The following ZFAT variants were observed in gnomAD, a reference collection of about 807,000 sequenced individuals.
ZFAT encodes zinc finger protein ZFAT.
A neutral mutation model predicts 117.7 loss-of-function variants in ZFAT; 64 were observed. The ratio of observed to expected loss-of-function variants is 0.54; its 90% CI spans 0.44 to 0.67. The LOEUF is 0.67. ZFAT is among the 30% of genes least tolerant of loss of function. The pLI is 0.00. For synonymous variants in ZFAT, 679 were observed against 615.0 expected, an observed-to-expected ratio of 1.10 and a Z score of -1.54; for missense variants, 1,433 against 1,584.5, an observed-to-expected ratio of 0.90 and a Z score of 1.62.
chr8:134,663,677 A>G (rs9969505), intron 1 of ZFAT, among the ~76,000 whole-genome samples: 52,816 of 152,054 alleles, frequency 0.35, 9,603 homozygotes, highest in South Asian at 0.43. Context: ...GGTGGAGGAT[A>G]CAGTGAGCTG....
intron 1 of ZFAT, among the ~76,000 whole-genome samples, chr8:134,685,798 A>G (rs1833292569): frequency 6.6e-6 from 1 of 152,226 alleles, no homozygotes; most frequent in South Asian, 2.1e-4. Flanking sequence ...ACATCTGACT[A>G]GGCCATAATT....
chr8:134,657,643 T>G lies in ZFAT; in HGVS notation c.114A>C (p.Glu38Asp). The change falls in exon 2 of 16, where the codon GAA becomes GAC. Residue 38 changes from glutamate (E) to aspartate (D), a missense_variant. Physicochemically the swap from Glu to Asp is conservative, Grantham distance 45. Coordinates refer to ENST00000377838, the MANE Select transcript of ZFAT (RefSeq NM_020863.4). ...LSHVSEKHMEEGVNVDEIIIP... is the reference protein window; with the variant it reads ...LSHVSEKHMEDGVNVDEIIIP... ...TAATAATCTCATCAACATTAACCCC[T>G]TCTTCCATGTGCTTCTCTGAAACGT... The G allele has an allele frequency of 1.2e-6, 2 of 1,614,118 alleles. No homozygotes were observed. Among genetic ancestry groups the G allele is most frequent in the Non-Finnish European group, 1.7e-6 (2 of 1,180,028 alleles).
chr8:134,715,220 A>G (rs1014217443), upstream of ZFAT, among the ~76,000 whole-genome samples: 1 of 152,226 alleles, frequency 6.6e-6, no homozygotes, highest in Non-Finnish European at 1.5e-5. Context: ...ACAATTTAAA[A>G]TTTGTCTCAA....
At chr8:134,687,579 C>T (rs970270603) in intron 1 of ZFAT, among the ~76,000 whole-genome samples, 1 of 152,142 alleles carries the variant, frequency 6.6e-6, no homozygotes, top group Admixed American at 6.5e-5. Context: ...CCCCCCACCC[C>T]GAGAGCAGAT....
the ZFAT span, among the ~76,000 whole-genome samples, chr8:134,816,084 G>A: frequency 2.6e-5 from 4 of 152,040 alleles, no homozygotes; most frequent in African/African-American, 9.7e-5. Flanking sequence ...ATAGTAAAGG[G>A]AGCTGCATCT....
intron 1 of ZFAT, among the ~76,000 whole-genome samples, chr8:134,710,770 G>A (rs1429890747): frequency 6.6e-6 from 1 of 152,176 alleles, no homozygotes; most frequent in African/African-American, 2.4e-5. Context: ...GAAACAAAGT[G>A]TACAATGAAC....
intron 5 of ZFAT, 139 bp downstream of exon 5, chr8:134,608,590 G>A: frequency 9.5e-7 from 1 of 1,050,292 alleles, no homozygotes; most frequent in Non-Finnish European, 1.4e-6. Context: ...TTCTACTGCT[G>A]AATCAAGGAG....
At chr8:134,749,263 C>A in the ZFAT span, among the ~76,000 whole-genome samples, 1 of 152,144 alleles carries the variant, frequency 6.6e-6, no homozygotes, top group Admixed American at 6.5e-5. Flanking sequence ...TAGTATTTAG[C>A]CTTTCACAGT....
At chr8:134,631,931 T>G (rs1829917612) in intron 3 of ZFAT, among the ~76,000 whole-genome samples, 1 of 152,200 alleles carries the variant, frequency 6.6e-6, no homozygotes, top group Non-Finnish European at 1.5e-5. Flanking sequence ...AAGGGGTTTT[T>G]GAGACTTTGA....
the ZFAT span, chr8:134,793,049 G>C: frequency 3.9e-5 from 6 of 152,198 alleles, no homozygotes; most frequent in African/African-American, 2.4e-5. Context: ...AATGTGGCCA[G>C]ATTTTTTAGA....
intron 15 of ZFAT, among the ~76,000 whole-genome samples, chr8:134,485,373 A>C (rs548389364): frequency 6.6e-6 from 1 of 152,190 alleles, no homozygotes; most frequent in Non-Finnish European, 1.5e-5. Context: ...ATTTGACCCC[A>C]GCACAGTCTT....
chr8:134,619,403 C>T (rs1828960950), intron 3 of ZFAT, among the ~76,000 whole-genome samples: 1 of 152,106 alleles, frequency 6.6e-6, no homozygotes. Flanking sequence ...TTGCGGACCA[C>T]CAGCAACTGT....
chr8:134,742,385 C>T, the ZFAT span, among the ~76,000 whole-genome samples: 2 of 152,252 alleles, frequency 1.3e-5, no homozygotes, highest in South Asian at 2.1e-4. Flanking sequence ...GGAGACACAG[C>T]GCAGGTGCCA....
intron 2 of ZFAT, among the ~76,000 whole-genome samples, chr8:134,652,445 G>T (rs1318216535): frequency 1.3e-5 from 2 of 152,168 alleles, no homozygotes; most frequent in Non-Finnish European, 2.9e-5. Context: ...GGACTGAAGA[G>T]CCGGAAAGTC....
the ZFAT span, among the ~76,000 whole-genome samples, chr8:134,740,679 G>A: frequency 2.6e-5 from 4 of 152,098 alleles, no homozygotes; most frequent in Non-Finnish European, 5.9e-5. Context: ...TTTAGCCTTA[G>A]GCTTCCAGAA....
chr8:134,817,941 C>A, the ZFAT span, among the ~76,000 whole-genome samples: 1 of 152,006 alleles, frequency 6.6e-6, no homozygotes, highest in Non-Finnish European at 1.5e-5. Flanking sequence ...AAATTTTCAA[C>A]AAATGGTGTC....
chr8:134,823,094 C>G, the ZFAT span, among the ~76,000 whole-genome samples: 2 of 152,216 alleles, frequency 1.3e-5, no homozygotes, highest in Admixed American at 6.5e-5. Context: ...TGGACACTAC[C>G]AACACCTGGT....
upstream of ZFAT, among the ~76,000 whole-genome samples, chr8:134,714,168 A>C (rs892724360): frequency 2.1e-5 from 3 of 141,434 alleles, no homozygotes; most frequent in African/African-American, 7.7e-5. Context: ...AAGTTTGGGA[A>C]ACTGATTTGT....
At chr8:134,740,379 C>T in the ZFAT span, among the ~76,000 whole-genome samples, 16 of 152,228 alleles carry the variant, frequency 1.1e-4, no homozygotes, top group Admixed American at 9.2e-4. Context: ...CTACCCACAG[C>T]GTGGTCCTGG....
Sources: gnomAD v4.1 joint callset for allele counts (sites outside exome capture counted in the v4.1 genomes callset) on GRCh38, gnomAD v4.1.1 for gene constraint, MANE v1.5 for transcripts, NCBI Gene and HGNC (gene_info 2026-07-23, HGNC 2026-07-21) for gene names.